PALM2AKAP2: variants seen among roughly 807,000 people sequenced by gnomAD.
PALM2AKAP2 encodes the protein PALM2 and AKAP2 fusion.
A neutral mutation model predicts 71.5 loss-of-function variants in PALM2AKAP2; 37 were observed. The observed-to-expected ratio is 0.52, with a 90% confidence interval of 0.40 to 0.68. The LOEUF (loss-of-function observed/expected upper bound fraction) is 0.68. Ranked by LOEUF, PALM2AKAP2 falls within the 30% of genes least tolerant of loss-of-function variation. The pLI is 0.00. For synonymous variants in PALM2AKAP2, 468 were observed against 478.8 expected (o/e 0.98, Z 0.29); for missense variants, 1,224 against 1,191.8 (o/e 1.03, Z -0.40).
At chr9:110,074,315 C>T (rs1415139368) in intron 1 of PALM2AKAP2, among the ~76,000 whole-genome samples, 1 of 151,986 alleles carries the variant, frequency 6.6e-6, no homozygotes, top group Non-Finnish European at 1.5e-5. Context: ...GGTGAGAGCC[C>T]ATCTCAAATA....
intron 3 of PALM2AKAP2, among the ~76,000 whole-genome samples, chr9:110,160,007 T>A (rs536757196): frequency 3.9e-5 from 6 of 152,182 alleles, no homozygotes; most frequent in Non-Finnish European, 8.8e-5. Flanking sequence ...CACCAATGAG[T>A]ATCTCCAGCC....
intron 1 of PALM2AKAP2, among the ~76,000 whole-genome samples, chr9:109,689,265 C>T (rs1587868722): frequency 6.7e-6 from 1 of 148,240 alleles, no homozygotes; most frequent in South Asian, 2.1e-4. Context: ...TGCAATGGTG[C>T]CATCTCAGCT....
At chr9:110,054,658 G>A (rs923864570) in intron 1 of PALM2AKAP2, among the ~76,000 whole-genome samples, 1 of 151,954 alleles carries the variant, frequency 6.6e-6, no homozygotes, top group Admixed American at 6.6e-5. Context: ...CTGCAGTCTC[G>A]AACTTCTGGG....
intron 1 of PALM2AKAP2, among the ~76,000 whole-genome samples, chr9:109,763,224 G>T (rs1382702554): frequency 6.6e-6 from 1 of 152,104 alleles, no homozygotes; most frequent in Non-Finnish European, 1.5e-5. Flanking sequence ...GACCACAAAA[G>T]CCTGAAACCC....
intron 1 of PALM2AKAP2, among the ~76,000 whole-genome samples, chr9:109,766,418 A>T (rs1170341067): frequency 6.6e-6 from 1 of 152,178 alleles, no homozygotes; most frequent in Non-Finnish European, 1.5e-5. Context: ...AATGGGAATG[A>T]CTGACAGGCA....
chr9:109,740,321 G>A (rs771965362), intron 1 of PALM2AKAP2, among the ~76,000 whole-genome samples: 78 of 152,206 alleles, frequency 5.1e-4, no homozygotes, highest in Admixed American at 1.9e-3. Context: ...AGATGTTGAT[G>A]AGTACTATAG....
At chr9:109,651,342 G>A (rs1162266618) in intron 1 of PALM2AKAP2, among the ~76,000 whole-genome samples, 1 of 152,162 alleles carries the variant, frequency 6.6e-6, no homozygotes, top group African/African-American at 2.4e-5. Context: ...CCCACTGCTG[G>A]TAGCCACTTC....
chr9:110,166,581 C>T (rs1836739027), intron 3 of PALM2AKAP2, among the ~76,000 whole-genome samples: 1 of 152,186 alleles, frequency 6.6e-6, no homozygotes, highest in Admixed American at 6.5e-5. Flanking sequence ...TCGTAGATAT[C>T]TGTGGATATT....
At chr9:109,678,421 A>T (rs1479989261) in intron 1 of PALM2AKAP2, among the ~76,000 whole-genome samples, 1 of 152,214 alleles carries the variant, frequency 6.6e-6, no homozygotes, top group African/African-American at 2.4e-5. Flanking sequence ...AACTCCTGAG[A>T]TGAAGATGAT....
chr9:110,048,694 C>G (rs1833646929), upstream of PALM2AKAP2: 1 of 1,542,386 alleles, frequency 6.5e-7, no homozygotes, highest in African/African-American at 1.4e-5. Context: ...CTACCACTCC[C>G]TGCAGATGCG....
At chr9:109,909,239 A>G (rs1241032171) in intron 3 of PALM2AKAP2, among the ~76,000 whole-genome samples, 4 of 152,238 alleles carry the variant, frequency 2.6e-5, no homozygotes, top group African/African-American at 9.6e-5. Context: ...ACAGAGCCAC[A>G]CAGCAGTTAC....
intron 1 of PALM2AKAP2, among the ~76,000 whole-genome samples, chr9:110,060,512 T>C (rs1434606211): frequency 6.6e-6 from 1 of 152,170 alleles, no homozygotes; most frequent in Non-Finnish European, 1.5e-5. Context: ...TCCCCTTGCA[T>C]TGTTACTGTG....
chr9:110,109,122 A>G (rs557605026), intron 1 of PALM2AKAP2, among the ~76,000 whole-genome samples: 1 of 152,134 alleles, frequency 6.6e-6, no homozygotes, highest in Admixed American at 6.5e-5. Context: ...GTTCGAGACC[A>G]ACCTTACCGA....
chr9:109,837,963 A>G (rs1035421899), intron 1 of PALM2AKAP2, among the ~76,000 whole-genome samples: 1 of 152,226 alleles, frequency 6.6e-6, no homozygotes, highest in Non-Finnish European at 1.5e-5. Flanking sequence ...AACATTAGAC[A>G]GATAACGAGA....
intron 1 of PALM2AKAP2, among the ~76,000 whole-genome samples, chr9:109,661,998 A>T (rs12348282): frequency 0.19 from 29,468 of 151,834 alleles, 3,393 homozygotes; most frequent in African/African-American, 0.33. Context: ...AATGCTTGTG[A>T]TTTTTGCACA....
At chr9:109,679,767 C>T (rs1346279477) in intron 1 of PALM2AKAP2, among the ~76,000 whole-genome samples, 1 of 152,146 alleles carries the variant, frequency 6.6e-6, no homozygotes, top group Non-Finnish European at 1.5e-5. Context: ...CTCCTCTTCT[C>T]CCCTAGGGTA....
chr9:109,713,957 A>G (rs1274669870), intron 1 of PALM2AKAP2, among the ~76,000 whole-genome samples: 2 of 152,238 alleles, frequency 1.3e-5, no homozygotes, highest in Non-Finnish European at 2.9e-5. Context: ...AATGCAAGAT[A>G]TTAATAATAG....
Position 109,742,124 on chromosome 9 carries a change from T to A in PALM2AKAP2, c.6-38364T>A, listed in dbSNP as rs1328831462. 5.3e-5 allele frequency among the ~76,000 whole-genome samples: 8 copies of A among 152,312 alleles called. No individual in the cohort carries two copies. In the East Asian group the frequency reaches 1.3e-3, roughly 26 times the overall value. On this transcript the variant is annotated intron_variant, in intron 1 of 6. Coordinates refer to the PALM2AKAP2 transcript ENST00000374531. ...TGGCAAACCATAATCAATGAAAGAATGAATGAATGAATTCCAGCAAATGAC... is the reference window on the plus strand; with the variant it reads ...TGGCAAACCATAATCAATGAAAGAAAGAATGAATGAATTCCAGCAAATGAC...
At chr9:109,996,566 A>G (rs1832579521) in intron 6 of PALM2AKAP2, among the ~76,000 whole-genome samples, 1 of 152,228 alleles carries the variant, frequency 6.6e-6, no homozygotes, top group Non-Finnish European at 1.5e-5. Flanking sequence ...CATTTTGTGC[A>G]ATTGGAGTCT....
Sources: allele counts gnomAD v4.1 joint callset (sites outside exome capture counted in the v4.1 genomes callset), GRCh38; gene constraint gnomAD v4.1.1; transcripts MANE v1.5; gene names NCBI Gene and HGNC (gene_info 2026-07-23, HGNC 2026-07-21).